Variants in ZSCAN25 observed in about 807,000 individuals in gnomAD.
ZSCAN25 encodes zinc finger and SCAN domain-containing protein 25.
Under a neutral mutation model 38.7 loss-of-function variants are expected in ZSCAN25, and 27 were observed. That is an observed-to-expected ratio of 0.70 (90% CI 0.51 to 0.96). The LOEUF is 0.96. Among genes scored for constraint, ZSCAN25 ranks in the 40% least tolerant of loss-of-function variants. The pLI, the probability that ZSCAN25 is intolerant of heterozygous loss-of-function variation, is 0.00. For missense variants in ZSCAN25, 637 were observed against 705.9 expected, an observed-to-expected ratio of 0.90 and a Z score of 1.11; for synonymous variants, 273 against 277.7, an observed-to-expected ratio of 0.98 and a Z score of 0.17.
At chr7:99,654,810 G>C in the ZSCAN25 span, among the ~76,000 whole-genome samples, 4 of 152,300 alleles carry the variant, frequency 2.6e-5, no homozygotes, top group South Asian at 8.3e-4. Flanking sequence ...TTGTGGTTTT[G>C]ATTTGCATTT....
At chr7:99,658,619 A>T in the ZSCAN25 span, among the ~76,000 whole-genome samples, 1 of 152,070 alleles carries the variant, frequency 6.6e-6, no homozygotes, top group Non-Finnish European at 1.5e-5. Flanking sequence ...CTGAATTTGA[A>T]TGTTGGCCTG....
the ZSCAN25 span, among the ~76,000 whole-genome samples, chr7:99,703,562 C>A: frequency 2.0e-5 from 3 of 152,268 alleles, no homozygotes; most frequent in Non-Finnish European, 2.9e-5. Context: ...ACCCATCTAT[C>A]CATCTAGAAG....
the ZSCAN25 span, among the ~76,000 whole-genome samples, chr7:99,700,983 C>T: frequency 2.0e-5 from 3 of 152,196 alleles, no homozygotes; most frequent in African/African-American, 7.2e-5. Context: ...AAGAGACTTA[C>T]CTGTTGAGAG....
At chr7:99,722,732 A>T in the ZSCAN25 span, among the ~76,000 whole-genome samples, 1 of 152,236 alleles carries the variant, frequency 6.6e-6, no homozygotes, top group South Asian at 2.1e-4. Flanking sequence ...GAGCGCCAGA[A>T]GGGAACGTGC....
At chr7:99,690,238 G>A in the ZSCAN25 span, among the ~76,000 whole-genome samples, 3 of 152,310 alleles carry the variant, frequency 2.0e-5, no homozygotes, top group Admixed American at 2.0e-4. Context: ...AAACTGGCTA[G>A]CCATATGTAG....
At chr7:99,624,201 A>G in intron 7 of ZSCAN25, 21 bp downstream of exon 7, 1 of 1,613,006 alleles carries the variant, frequency 6.2e-7, no homozygotes, top group South Asian at 1.1e-5. Flanking sequence ...CTCCACCCAC[A>G]GGTGAGGAAC....
the ZSCAN25 span, among the ~76,000 whole-genome samples, chr7:99,727,440 C>T: frequency 6.6e-6 from 1 of 152,148 alleles, no homozygotes; most frequent in Admixed American, 6.5e-5. Flanking sequence ...TTAGCAATAC[C>T]CACTCTCTGT....
chr7:99,686,315 T>C, the ZSCAN25 span, among the ~76,000 whole-genome samples: 3 of 152,140 alleles, frequency 2.0e-5, no homozygotes, highest in Non-Finnish European at 4.4e-5. Context: ...CCTAATACTG[T>C]GCTTTTCCAA....
intron 4 of ZSCAN25, 91 bp downstream of exon 4, chr7:99,620,084 C>A: frequency 6.9e-7 from 1 of 1,451,040 alleles, no homozygotes; most frequent in Non-Finnish European, 9.0e-7. Flanking sequence ...TAGGAGTGGA[C>A]GAGGTGTGGA....
the ZSCAN25 span, among the ~76,000 whole-genome samples, chr7:99,645,421 C>T: frequency 6.6e-6 from 1 of 152,134 alleles, no homozygotes; most frequent in Non-Finnish European, 1.5e-5. Flanking sequence ...CTGCAGTGAA[C>T]ATATGTGTGC....
At chr7:99,643,149 C>T in the ZSCAN25 span, among the ~76,000 whole-genome samples, 1 of 152,060 alleles carries the variant, frequency 6.6e-6, no homozygotes, top group African/African-American at 2.4e-5. Context: ...ATCGAGTTTA[C>T]ACTTCCAAGT....
At position 99,631,905 on chromosome 7, in the gene ZSCAN25, G is replaced by A. The variant is rs1808030962; in HGVS notation, c.*1885G>A. On this transcript the variant is annotated 3_prime_UTR_variant, in exon 8 of 8. Transcript: ENST00000394152. Reference sequence around the variant, plus strand: ...ATGCAAAATCAGCTTTTTTTCCCCCGTAATTATCAGAGCAGCTAGGCAGGG... The same window carrying A: ...ATGCAAAATCAGCTTTTTTTCCCCCATAATTATCAGAGCAGCTAGGCAGGG... 5.1e-6 allele frequency: 5 copies of A among 985,296 alleles called. No homozygotes were observed. Among genetic ancestry groups the A allele is most frequent in the South Asian group, 9.4e-5 (2 of 21,286 alleles). The allele number at this position is 985,296 out of a possible 1,614,324, so 61.0% of individuals were successfully genotyped here. A position where few individuals can be genotyped will look rare whatever the true frequency, so the allele number is the denominator to read the frequency against.
the ZSCAN25 span, among the ~76,000 whole-genome samples, chr7:99,713,263 G>T: frequency 1.3e-5 from 2 of 152,080 alleles, no homozygotes; most frequent in African/African-American, 4.8e-5. Context: ...TTTTCCTTAG[G>T]GTTGCCCTTT....
chr7:99,632,271 C>T lies in ZSCAN25; in HGVS notation c.*2251C>T, dbSNP rs1808061577. The T allele has an allele frequency of 1.0e-6, 1 of 980,406 alleles. No homozygotes were observed. The highest frequency in any genetic ancestry group is 1.7e-5 in the African/African-American group (1 of 57,218). 60.7% of individuals were successfully genotyped at this position (980,406 alleles called of 1,614,324 possible). A position where few individuals can be genotyped will look rare whatever the true frequency, so the allele number is the denominator to read the frequency against. On this transcript the variant is annotated 3_prime_UTR_variant, in exon 8 of 8. Coordinates refer to ENST00000394152, the MANE Select transcript of ZSCAN25 (RefSeq NM_145115.3). ...GGTAGTCTGATTTTTCATATCTATT[C>T]AAATGTTAAGAAATATTTTGTTTTC...
chr7:99,672,674 T>C, the ZSCAN25 span: 2 of 1,614,150 alleles, frequency 1.2e-6, no homozygotes, highest in Non-Finnish European at 1.7e-6. Context: ...TTGACCTTCA[T>C]ACGTTCTGTG....
At chr7:99,657,152 C>G in the ZSCAN25 span, among the ~76,000 whole-genome samples, 10 of 152,154 alleles carry the variant, frequency 6.6e-5, no homozygotes, top group African/African-American at 2.4e-4. Flanking sequence ...TCCTGCTTCT[C>G]TAGTTCTTTT....
chr7:99,685,120 G>A, the ZSCAN25 span: 1 of 1,538,764 alleles, frequency 6.5e-7, no homozygotes, highest in Non-Finnish European at 9.0e-7. Context: ...GAAGAGCAAA[G>A]CAGAAGTCCT....
chr7:99,708,235 A>G, the ZSCAN25 span, among the ~76,000 whole-genome samples: 1 of 152,146 alleles, frequency 6.6e-6, no homozygotes, highest in Admixed American at 6.5e-5. Flanking sequence ...TTATTTCTAA[A>G]CACTCAAATT....
rs138966554 is a variant in ZSCAN25, at chr7:99,629,807, G to A, written c.1422G>A (p.Ala474=). The change falls in exon 8 of 8, where the codon GCG becomes GCA. Residue 474 remains alanine, a synonymous_variant. Transcript: ENST00000394152. This position sits in a 1 kb window ranked among gnomAD's most constrained non-coding sequence, Gnocchi z 5.6. ...GKSFSRNANL[A]VHRRAHTGEK... is the part of the protein sequence containing the mutation. Reference sequence around the variant, plus strand: ...GCTTCAGCAGGAATGCCAATCTGGCGGTGCACCGGCGTGCCCACACTGGCG... The same window carrying A: ...GCTTCAGCAGGAATGCCAATCTGGCAGTGCACCGGCGTGCCCACACTGGCG... 4.5e-4 allele frequency: 730 copies of A among 1,614,104 alleles called. 1 individual carries two copies. Among genetic ancestry groups the A allele is most frequent in the Middle Eastern group, 6.6e-4 (4 of 6,084 alleles).
Sources: gnomAD v4.1 joint callset for allele counts (sites outside exome capture counted in the v4.1 genomes callset) on GRCh38, gnomAD v4.1.1 for gene constraint, Gnocchi (gnomAD v3.1) non-coding constraint, MANE v1.5 for transcripts, NCBI Gene and HGNC (gene_info 2026-07-23, HGNC 2026-07-21) for gene names.